The following NTM variants were observed in gnomAD, a reference collection of about 807,000 sequenced individuals.
NTM encodes the protein IgLON family member 2.
Under a neutral mutation model 42.1 loss-of-function variants are expected in NTM, and 13 were observed. That is an observed-to-expected ratio of 0.31 (90% CI 0.20 to 0.49). NTM has a LOEUF of 0.49. NTM is among the 20% of genes least tolerant of loss of function. The pLI is 0.99. For missense variants in NTM, 373 were observed against 452.8 expected, an observed-to-expected ratio of 0.82 and a Z score of 1.60; for synonymous variants, 187 against 179.2, an observed-to-expected ratio of 1.04 and a Z score of -0.35.
At chr11:131,638,580 AAAAAAAAAG>A (rs1237657877) in intron 1 of NTM, among the ~76,000 whole-genome samples, 4 of 151,670 alleles carry the variant, frequency 2.6e-5, no homozygotes, top group African/African-American at 9.7e-5. Context: ...AAAAAAAAAA[AAAAAAAAAG>A]ATGCCTAATA....
At chr11:132,168,111 T>A (rs897215142) in intron 3 of NTM, among the ~76,000 whole-genome samples, 4 of 152,208 alleles carry the variant, frequency 2.6e-5, no homozygotes, top group Admixed American at 2.6e-4. Context: ...AATCAGTTGG[T>A]GGCAATTGGC....
intron 1 of NTM, among the ~76,000 whole-genome samples, chr11:131,842,274 G>A (rs1215628619): frequency 2.6e-5 from 4 of 152,168 alleles, no homozygotes; most frequent in Non-Finnish European, 4.4e-5. Context: ...ATGAGAAGGT[G>A]TTGTTAAGTC....
At chr11:131,615,540 G>A (rs2061844317) in intron 1 of NTM, among the ~76,000 whole-genome samples, 1 of 151,972 alleles carries the variant, frequency 6.6e-6, no homozygotes, top group African/African-American at 2.4e-5. Context: ...TAATTTTTTT[G>A]TAATTTTATT....
chr11:132,000,880 A>G (rs1466908883), intron 2 of NTM, among the ~76,000 whole-genome samples: 1 of 152,246 alleles, frequency 6.6e-6, no homozygotes, highest in Non-Finnish European at 1.5e-5. Context: ...GTAAGAAATG[A>G]CTTTTTACTG....
intron 7 of NTM, 24 bp downstream of exon 7, chr11:132,314,727 C>T: frequency 6.3e-7 from 1 of 1,598,620 alleles, no homozygotes; most frequent in Non-Finnish European, 8.5e-7. Context: ...CTGAGCTGGG[C>T]AAGAAGAGGG....
chr11:131,721,384 G>A (rs1697652467), intron 1 of NTM, among the ~76,000 whole-genome samples: 1 of 152,112 alleles, frequency 6.6e-6, no homozygotes, highest in South Asian at 2.1e-4. Context: ...ACCATTCAGA[G>A]TCTCAGTTTT....
chr11:132,327,497 G>C (rs981026502), intron 7 of NTM, among the ~76,000 whole-genome samples: 2 of 152,166 alleles, frequency 1.3e-5, no homozygotes, highest in African/African-American at 2.4e-5. Context: ...GCATTTCTAT[G>C]GTATATGTGT....
intron 1 of NTM, among the ~76,000 whole-genome samples, chr11:131,531,857 A>C (rs1451055073): frequency 2.6e-5 from 4 of 152,194 alleles, no homozygotes; most frequent in Non-Finnish European, 5.9e-5. Flanking sequence ...TTGGAGGGCA[A>C]GATAGGGAAC....
chr11:131,496,909 C>T (rs1283519664), intron 1 of NTM, among the ~76,000 whole-genome samples: 1 of 152,194 alleles, frequency 6.6e-6, no homozygotes, highest in African/African-American at 2.4e-5. Context: ...GCACAACCAA[C>T]CACAGAACTC....
At chr11:132,103,558 G>T (rs2061890258) in intron 2 of NTM, among the ~76,000 whole-genome samples, 1 of 152,176 alleles carries the variant, frequency 6.6e-6, no homozygotes, top group African/African-American at 2.4e-5. Flanking sequence ...TTACGTTGTT[G>T]CTAATTCAGT....
At position 132,314,582 on chromosome 11, in the gene NTM, G is replaced by T. The variant is rs577096522; in HGVS notation, c.813G>T (p.Val271=). The T allele has an allele frequency of 1.2e-6, 2 of 1,613,168 alleles. No individual in the cohort carries two copies. Among genetic ancestry groups the T allele is most frequent in the African/African-American group, 2.7e-5 (2 of 74,908 alleles). ...TTGAAGGAAAGAAAGGGGTGAAAGTGGAAAACAGACCTTTCCTCTCAAAAC... is the reference window on the plus strand; with the variant it reads ...TTGAAGGAAAGAAAGGGGTGAAAGTTGAAAACAGACCTTTCCTCTCAAAAC... ...RLIEGKKGVK[V]ENRPFLSKLI... is the part of the protein sequence containing the mutation. The change falls in exon 7 of 9, where the codon GTG becomes GTT. Residue 271 remains valine (V), a synonymous_variant. Transcript: ENST00000683400.
intron 4 of NTM, among the ~76,000 whole-genome samples, chr11:132,254,072 C>G (rs1041390078): frequency 1.3e-5 from 2 of 152,148 alleles, no homozygotes; most frequent in African/African-American, 4.8e-5. Context: ...CCTCCTCTCA[C>G]CTGGTGTTGT....
At chr11:131,499,579 T>C (rs1327374752) in intron 1 of NTM, among the ~76,000 whole-genome samples, 1 of 152,236 alleles carries the variant, frequency 6.6e-6, no homozygotes, top group Non-Finnish European at 1.5e-5. Flanking sequence ...CATTTTTTCC[T>C]GCTTTAAACA....
chr11:131,739,567 G>A (rs1040414011), intron 1 of NTM, among the ~76,000 whole-genome samples: 3 of 152,210 alleles, frequency 2.0e-5, no homozygotes, highest in Non-Finnish European at 4.4e-5. Context: ...TGCATGCTCT[G>A]TCCTCCGCGG....
At chr11:131,857,876 T>A (rs982891316) in intron 1 of NTM, among the ~76,000 whole-genome samples, 2 of 152,186 alleles carry the variant, frequency 1.3e-5, no homozygotes, top group African/African-American at 4.8e-5. Flanking sequence ...GATCAAGTTA[T>A]TCCAATGACA....
intron 1 of NTM, among the ~76,000 whole-genome samples, chr11:131,747,481 A>G (rs943695203): frequency 2.6e-5 from 4 of 152,192 alleles, no homozygotes; most frequent in Admixed American, 2.0e-4. Flanking sequence ...CTGTGTCCCT[A>G]TTAAATGCAA....
chr11:131,484,447 G>A (rs989547335), intron 1 of NTM, among the ~76,000 whole-genome samples: 2 of 152,184 alleles, frequency 1.3e-5, no homozygotes, highest in African/African-American at 2.4e-5. Context: ...AAAGGGTGGA[G>A]GCTCCCAACT....
intron 1 of NTM, among the ~76,000 whole-genome samples, chr11:131,403,355 T>C (rs1440638663): frequency 6.6e-6 from 1 of 152,208 alleles, no homozygotes; most frequent in African/African-American, 2.4e-5. Flanking sequence ...CTATAGATGC[T>C]TTGGTCCTAT....
chr11:132,142,803 T>C (rs1012867985), intron 2 of NTM, among the ~76,000 whole-genome samples: 3 of 152,146 alleles, frequency 2.0e-5, no homozygotes, highest in African/African-American at 7.2e-5. Context: ...GCGTTCTGAG[T>C]GCTAGTGCAT....
Sources: gnomAD v4.1 joint callset for allele counts (sites outside exome capture counted in the v4.1 genomes callset) on GRCh38, gnomAD v4.1.1 for gene constraint, MANE v1.5 for transcripts, NCBI Gene and HGNC (gene_info 2026-07-23, HGNC 2026-07-21) for gene names.